The following DAB2 variants were observed in gnomAD, a reference collection of about 807,000 sequenced individuals.
The protein encoded by DAB2 is DAB adaptor protein 2.
Under a neutral mutation model 71.6 loss-of-function variants are expected in DAB2, and 28 were observed. That is an observed-to-expected ratio of 0.39 (90% CI 0.29 to 0.54). The LOEUF (loss-of-function observed/expected upper bound fraction) is 0.54, where lower values mean the gene tolerates loss of function less well. DAB2 is among the 20% of genes least tolerant of loss of function. The pLI, the probability that DAB2 is intolerant of heterozygous loss-of-function variation, is 0.68. For missense variants in DAB2, 867 were observed against 928.8 expected, an observed-to-expected ratio of 0.93 and a Z score of 0.86; for synonymous variants, 345 against 339.7, an observed-to-expected ratio of 1.02 and a Z score of -0.17.
At chr5:39,419,358 G>A (rs186830366) in intron 1 of DAB2, among the ~76,000 whole-genome samples, 50 of 152,214 alleles carry the variant, frequency 3.3e-4, no homozygotes, top group Non-Finnish European at 6.3e-4. Context: ...TCAGATAAAC[G>A]CCAAGGTGCA....
intron 10 of DAB2, 143 bp downstream of exon 10, chr5:39,382,475 G>A (rs1755000603): frequency 1.2e-6 from 1 of 850,360 alleles, no homozygotes; most frequent in Admixed American, 2.5e-5. Context: ...AGTACTCCTG[G>A]AGAACCAAAG....
At chr5:39,415,747 C>T (rs1755829776) in intron 1 of DAB2, among the ~76,000 whole-genome samples, 1 of 152,156 alleles carries the variant, frequency 6.6e-6, no homozygotes, top group Non-Finnish European at 1.5e-5. Context: ...GAGCCCTCCA[C>T]AAATGTTGGC....
At chr5:39,410,605 A>G (rs1344921908) in intron 1 of DAB2, among the ~76,000 whole-genome samples, 1 of 152,082 alleles carries the variant, frequency 6.6e-6, no homozygotes, top group Non-Finnish European at 1.5e-5. Flanking sequence ...TACTAGGACA[A>G]TTGAGTTTTT....
chr5:39,391,972 A>AT (rs1269674443), intron 4 of DAB2, among the ~76,000 whole-genome samples: 147 of 144,042 alleles, frequency 1.0e-3, no homozygotes, highest in African/African-American at 3.5e-3. Flanking sequence ...GGTCAAAAAA[A>AT]AAAAAAAAAA....
At chr5:39,378,745 A>G (rs1301391650) in intron 11 of DAB2, among the ~76,000 whole-genome samples, 1 of 152,202 alleles carries the variant, frequency 6.6e-6, no homozygotes, top group East Asian at 1.9e-4. Flanking sequence ...TAGAAACTGA[A>G]AATCAGGCAC....
At chr5:39,377,945 G>A (rs570960998) in intron 11 of DAB2, among the ~76,000 whole-genome samples, 20 of 152,294 alleles carry the variant, frequency 1.3e-4, no homozygotes, top group Middle Eastern at 3.4e-3. Context: ...AGTTTTAGAC[G>A]TTTATATATA....
chr5:39,412,109 A>C (rs1419335745), intron 1 of DAB2, among the ~76,000 whole-genome samples: 1 of 152,138 alleles, frequency 6.6e-6, no homozygotes, highest in Non-Finnish European at 1.5e-5. Flanking sequence ...CCTGGGTCCA[A>C]AACATTCCCT....
chr5:39,397,332 G>A lies in DAB2; in HGVS notation c.-101-2911C>T, dbSNP rs141607230. ...GCTAAGCAGTACTCCCTTCTCAGAG[G>A]CCTCAGTATCAGCACCATGAGACCC... On this transcript the variant is annotated intron_variant, in intron 1 of 14. Transcript: ENST00000320816. Among the ~76,000 whole-genome samples, 638 of 152,198 alleles carry A rather than the reference G, an allele frequency of 4.2e-3. 3 individuals carry two copies. Among genetic ancestry groups the A allele is most frequent in the African/African-American group, 0.014 (563 of 41,524 alleles).
intron 9 of DAB2, chr5:39,387,758 C>A (rs748582108): frequency 6.8e-6 from 1 of 147,346 alleles, no homozygotes; most frequent in Non-Finnish European, 1.5e-5. Flanking sequence ...CTGTTCTGTT[C>A]TTACAGGGTT....
intron 1 of DAB2, chr5:39,417,865 G>A (rs1475746284): frequency 6.6e-6 from 1 of 152,144 alleles, no homozygotes; most frequent in South Asian, 2.1e-4. Flanking sequence ...AAATATAACT[G>A]TCTATCATTT....
intron 11 of DAB2, 110 bp downstream of exon 11, chr5:39,381,344 C>T: frequency 8.6e-7 from 1 of 1,159,362 alleles, no homozygotes. Context: ...CTGGGATGCT[C>T]AAATCTTATG....
intron 1 of DAB2, among the ~76,000 whole-genome samples, chr5:39,409,608 A>G (rs1755676244): frequency 6.6e-6 from 1 of 152,320 alleles, no homozygotes; most frequent in Admixed American, 6.5e-5. Context: ...TGTTAGTATC[A>G]TGTAAGTAAT....
intron 2 of DAB2, 84 bp from the exon 3 acceptor site, chr5:39,393,477 A>T (rs1755283837): frequency 7.3e-7 from 1 of 1,369,898 alleles, no homozygotes; most frequent in Admixed American, 1.9e-5. Flanking sequence ...AATTTAAGTA[A>T]TATAAATCCT....
chr5:39,379,107 C>T (rs1433760171), intron 11 of DAB2, among the ~76,000 whole-genome samples: 3 of 152,134 alleles, frequency 2.0e-5, no homozygotes, highest in African/African-American at 4.8e-5. Context: ...TGTTGGACAA[C>T]TTGTCTTCAT....
At chr5:39,401,738 T>TTTATTTATTTAA (rs1187396768) in intron 1 of DAB2, among the ~76,000 whole-genome samples, 3 of 146,364 alleles carry the variant, frequency 2.0e-5, no homozygotes, top group African/African-American at 7.6e-5. Flanking sequence ...GGGTTATTTA[T>TTTATTTATTTAA]TTATTTATTT....
chr5:39,413,728 C>A (rs1024673942), intron 1 of DAB2, among the ~76,000 whole-genome samples: 1 of 152,150 alleles, frequency 6.6e-6, no homozygotes, highest in African/African-American at 2.4e-5. Flanking sequence ...GCTTCTTATA[C>A]ATTTAGAATA....
In DAB2 at chr5:39,376,092, C is replaced by T; in HGVS notation, c.2152G>A (p.Ala718Thr). The T allele has an allele frequency of 6.2e-7, 1 of 1,613,896 alleles. No individual in the cohort carries two copies. The highest frequency in any genetic ancestry group is 8.5e-7 in the Non-Finnish European group (1 of 1,179,872). ...LNKINEPPKP[A>T]PRQVSLPVTK... Reference sequence around the variant, plus strand: ...ACTGGCAGGGAAACTTGTCTGGGAGCTGGCTTTGGTGGTTCTAGAAGGTAA... The same window carrying T: ...ACTGGCAGGGAAACTTGTCTGGGAGTTGGCTTTGGTGGTTCTAGAAGGTAA... The change falls in exon 13 of 15, where the codon GCT (alanine) becomes ACT (threonine). Residue 718 changes from alanine to threonine, a missense_variant. Physicochemically the swap from Ala to Thr is moderately conservative, Grantham distance 58 (BLOSUM62 0). Around this residue, in one of 2 missense-constraint regions of DAB2, gnomAD observed 740 missense variants for 734.3 expected, o/e 1.01. Transcript: ENST00000320816.
chr5:39,403,250 T>G (rs959787170), intron 1 of DAB2, among the ~76,000 whole-genome samples: 11 of 152,316 alleles, frequency 7.2e-5, no homozygotes, highest in African/African-American at 2.6e-4. Context: ...GTTTGACTTG[T>G]CTAATTGTGA....
chr5:39,376,037 T>C lies in DAB2; in HGVS notation c.2207A>G (p.Asn736Ser). Residue 736 changes from asparagine to serine, a missense_variant, in exon 13 of 15, where the codon AAC becomes AGC. This residue lies in a region of DAB2 where 740 missense variants were observed against 734.3 expected (regional missense o/e 1.01). Coordinates refer to ENST00000320816, the MANE Select transcript of DAB2 (RefSeq NM_001343.4). Reference protein sequence around the residue: ...VTKSTDNAFENPFFKDSFGSS... With the variant: ...VTKSTDNAFESPFFKDSFGSS... The stretch of plus-strand genomic sequence containing the variant: ...ACCAAAAGAATCTTTAAAGAAAGGG[T>C]TCTCAAATGCATTGTCAGTAGATTT... 1 of 1,614,038 alleles carries C rather than the reference T, an allele frequency of 6.2e-7. No individual in the cohort carries two copies. The highest frequency in any genetic ancestry group is 8.5e-7 in the Non-Finnish European group (1 of 1,179,962).
Sources: allele counts gnomAD v4.1 joint callset (sites outside exome capture counted in the v4.1 genomes callset), GRCh38; gene constraint gnomAD v4.1.1; regional missense constraint gnomAD v4.1.1; transcripts MANE v1.5; gene names NCBI Gene and HGNC (gene_info 2026-07-23, HGNC 2026-07-21).